The following TRAPPC9 variants were observed in gnomAD, a reference collection of about 807,000 sequenced individuals.
TRAPPC9 encodes the protein IKK2 binding protein.
TRAPPC9 carries 83 observed loss-of-function variants against 124.0 expected under a neutral mutation model. The ratio of observed to expected loss-of-function variants is 0.67; its 90% CI spans 0.56 to 0.80. TRAPPC9 has a LOEUF of 0.80. Ranked by LOEUF, TRAPPC9 falls within the 30% of genes least tolerant of loss-of-function variation. The pLI is 0.00. For synonymous variants in TRAPPC9, 638 were observed against 617.5 expected (o/e 1.03, Z -0.49); for missense variants, 1,302 against 1,508.3 (o/e 0.86, Z 2.27).
At chr8:139,832,069 AG>A (rs1397656481) in intron 21 of TRAPPC9, among the ~76,000 whole-genome samples, 1 of 152,138 alleles carries the variant, frequency 6.6e-6, no homozygotes, top group Non-Finnish European at 1.5e-5. Flanking sequence ...ATGTTGTCAC[AG>A]GCGTCCCCTG....
intron 21 of TRAPPC9, among the ~76,000 whole-genome samples, chr8:139,858,852 C>A (rs551028913): frequency 4.2e-4 from 63 of 151,512 alleles, no homozygotes; most frequent in African/African-American, 1.5e-3. Flanking sequence ...ACACCCTCCC[C>A]ACCCGCTCTA....
intron 9 of TRAPPC9, among the ~76,000 whole-genome samples, chr8:140,350,975 G>A (rs187594114): frequency 4.6e-4 from 70 of 152,064 alleles, no homozygotes; most frequent in African/African-American, 1.6e-3. Context: ...AGGGGCAGGA[G>A]GCTCCAGAGG....
chr8:140,343,484 G>A (rs1179403586), intron 9 of TRAPPC9, among the ~76,000 whole-genome samples: 2 of 152,220 alleles, frequency 1.3e-5, no homozygotes, highest in African/African-American at 2.4e-5. Context: ...CACCCACAGA[G>A]GCAGGGCCGC....
At chr8:139,995,137 AG>A (rs1021574164) in intron 18 of TRAPPC9, among the ~76,000 whole-genome samples, 1 of 152,200 alleles carries the variant, frequency 6.6e-6, no homozygotes, top group Non-Finnish European at 1.5e-5. Flanking sequence ...TCACAGTAGG[AG>A]CCAGAAACTG....
rs1474973922 is a variant in TRAPPC9 at position 140,089,244 on chromosome 8, C to T, written c.2557-65165G>A. Among the ~76,000 whole-genome samples the T allele has an allele frequency of 3.3e-5, 5 of 152,150 alleles. 1 individual carries two copies. Among genetic ancestry groups the T allele is most frequent in the Admixed American group, 3.3e-4 (5 of 15,272 alleles). On this transcript the variant is annotated intron_variant, in intron 17 of 22. Transcript: ENST00000438773. ...AAGCCTCTTCCCCCCCGAGTGTTCC[C>T]CAGAGGCAGCACCTCATCCTCTTCT...
rs141648698 is a variant in TRAPPC9, at chr8:139,736,729, C to T, written c.3056-4527G>A. Among the ~76,000 whole-genome samples, 577 of 152,332 alleles carry T rather than the reference C, an allele frequency of 3.8e-3. 2 individuals carry two copies. Among genetic ancestry groups the T allele is most frequent in the African/African-American group, 0.013 (536 of 41,582 alleles). On this transcript the variant is annotated intron_variant, in intron 21 of 22. Coordinates refer to ENST00000438773, the MANE Select transcript of TRAPPC9 (RefSeq NM_001160372.4). ...CTGCCTTGCAATGAGAACATGTGAC[C>T]GCATGGCAGGGCTGTGCCCGGGTAG... is the stretch of plus-strand genomic sequence containing the variant.
intron 17 of TRAPPC9, among the ~76,000 whole-genome samples, chr8:140,061,555 CA>C (rs1446292604): frequency 6.6e-6 from 1 of 152,130 alleles, no homozygotes; most frequent in Non-Finnish European, 1.5e-5. Flanking sequence ...GAGCCTTGAA[CA>C]AAGGAGAGGC....
chr8:139,988,764 G>C lies in TRAPPC9; in HGVS notation c.2772C>G (p.Ser924Arg), dbSNP rs143221169. 3.2e-6 allele frequency: 5 copies of C among 1,551,222 alleles called. No individual in the cohort carries two copies. In the African/African-American group the frequency reaches 5.5e-5, roughly 17 times the overall value. Residue 924 changes from serine (S) to arginine (R), a missense_variant, in exon 19 of 23, where the codon AGC (serine) becomes AGG (arginine). Physicochemically the swap from Ser to Arg is moderately radical, Grantham distance 110. This residue lies in a region of TRAPPC9 where 640 missense variants were observed against 679.3 expected (regional missense o/e 0.94). Transcript: ENST00000438773. ...CGGCGTGCAGGATGAGTGCCTCGCT[G>C]CTCCTGGTGCTGACGGTCAGCTCAT... ...TEHELTVSTR[S>R]SEALILHAGE...
intron 18 of TRAPPC9, among the ~76,000 whole-genome samples, chr8:139,994,664 C>T (rs919883548): frequency 1.3e-5 from 2 of 152,140 alleles, no homozygotes; most frequent in African/African-American, 4.8e-5. Context: ...AGTCTCTTGA[C>T]ATTAACACGG....
intron 19 of TRAPPC9, among the ~76,000 whole-genome samples, chr8:139,955,120 A>AT (rs1270314466): frequency 1.3e-5 from 2 of 152,126 alleles, no homozygotes; most frequent in African/African-American, 4.8e-5. Context: ...GATCAAGCAC[A>AT]TTTTTTCTTG....
At chr8:139,930,035 C>T (rs1037445211) in intron 19 of TRAPPC9, among the ~76,000 whole-genome samples, 2 of 152,266 alleles carry the variant, frequency 1.3e-5, no homozygotes, top group Admixed American at 6.5e-5. Context: ...CGATTCTCTA[C>T]ACTTCTCTGT....
intron 21 of TRAPPC9, chr8:139,806,317 C>G (rs540887482): frequency 1.3e-5 from 2 of 152,368 alleles, no homozygotes; most frequent in African/African-American, 4.8e-5. Context: ...CCCTCCTGTG[C>G]GCAGCAGTGG....
intron 9 of TRAPPC9, among the ~76,000 whole-genome samples, chr8:140,336,308 A>C (rs753684280): frequency 2.0e-5 from 3 of 152,178 alleles, no homozygotes; most frequent in Non-Finnish European, 2.9e-5. Flanking sequence ...CCTACTGTGT[A>C]TAGTCTGTGG....
At chr8:140,185,301 G>C (rs1055025789) in intron 17 of TRAPPC9, among the ~76,000 whole-genome samples, 1 of 152,218 alleles carries the variant, frequency 6.6e-6, no homozygotes, top group African/African-American at 2.4e-5. Context: ...AGAGAACTCG[G>C]CACGGCAGGG....
intron 5 of TRAPPC9, among the ~76,000 whole-genome samples, chr8:140,418,694 T>C (rs980652794): frequency 2.6e-5 from 4 of 151,818 alleles, no homozygotes; most frequent in Non-Finnish European, 5.9e-5. Flanking sequence ...CACTCCAGCC[T>C]GGGCGACAAA....
chr8:140,254,916 C>A (rs1030311624), intron 15 of TRAPPC9, among the ~76,000 whole-genome samples: 14 of 152,190 alleles, frequency 9.2e-5, no homozygotes, highest in African/African-American at 3.4e-4. Context: ...CAGAAGTGAA[C>A]CTCACAGGAG....
chr8:140,205,264 A>G (rs1450387376), intron 17 of TRAPPC9, among the ~76,000 whole-genome samples: 5 of 152,258 alleles, frequency 3.3e-5, no homozygotes, highest in Non-Finnish European at 5.9e-5. Context: ...TCATTTGACA[A>G]AGCAAAAGTT....
At chr8:139,810,763 G>C (rs1396377902) in intron 21 of TRAPPC9, among the ~76,000 whole-genome samples, 1 of 152,138 alleles carries the variant, frequency 6.6e-6, no homozygotes, top group Non-Finnish European at 1.5e-5. Context: ...CCTGAATGCT[G>C]GCAGTGAGAT....
At chr8:140,233,494 G>A (rs551000351) in intron 16 of TRAPPC9, among the ~76,000 whole-genome samples, 9 of 151,876 alleles carry the variant, frequency 5.9e-5, no homozygotes, top group African/African-American at 9.7e-5. Flanking sequence ...GTGAGACACC[G>A]TGCCCAGCCT....
Sources: gnomAD v4.1 joint callset for allele counts (sites outside exome capture counted in the v4.1 genomes callset) on GRCh38, gnomAD v4.1.1 for gene constraint, gnomAD v4.1.1 regional missense constraint, MANE v1.5 for transcripts, NCBI Gene and HGNC (gene_info 2026-07-23, HGNC 2026-07-21) for gene names.